The following MCCC1 variants were observed in gnomAD, a reference collection of about 807,000 sequenced individuals.
The protein encoded by MCCC1 is methylcrotonoyl-CoA carboxylase subunit alpha, mitochondrial.
MCCC1 carries 64 observed loss-of-function variants against 83.8 expected under a neutral mutation model. The ratio of observed to expected loss-of-function variants is 0.76; its 90% CI spans 0.62 to 0.94. The LOEUF is 0.94. Ranked by LOEUF, MCCC1 falls within the 40% of genes least tolerant of loss-of-function variation. The pLI, the probability that MCCC1 is intolerant of heterozygous loss-of-function variation, is 0.00. For synonymous variants in MCCC1, 322 were observed against 315.4 expected, an observed-to-expected ratio of 1.02 and a Z score of -0.22; for missense variants, 807 against 904.7, an observed-to-expected ratio of 0.89 and a Z score of 1.39.
rs563369774 is a variant in MCCC1, at chr3:183,053,066, T to C, written c.874-826A>G. ...CATAGATGTTATTGACCCTGAAAACTTTTATTGGGACAAGATGTGGAGAAA... is the reference window on the plus strand; with the variant it reads ...CATAGATGTTATTGACCCTGAAAACCTTTATTGGGACAAGATGTGGAGAAA... On this transcript the variant is annotated intron_variant, in intron 8 of 18. Coordinates refer to ENST00000265594, the MANE Select transcript of MCCC1 (RefSeq NM_020166.5). Among the ~76,000 whole-genome samples the C allele has an allele frequency of 2.0e-4, 30 of 152,280 alleles. No homozygotes were observed. In the East Asian group the frequency reaches 5.8e-3, roughly 29 times the overall value.
upstream of MCCC1, chr3:183,116,151 A>C (rs1719584029): frequency 1.3e-5 from 2 of 158,262 alleles, no homozygotes; most frequent in African/African-American, 2.4e-5. Context: ...GGGAGCGAGG[A>C]TGTGATCTAT....
upstream of MCCC1, among the ~76,000 whole-genome samples, chr3:183,104,281 T>C (rs1167936883): frequency 6.6e-6 from 1 of 152,162 alleles, no homozygotes; most frequent in Admixed American, 6.5e-5. Flanking sequence ...GCGAGGGCTG[T>C]GAGGACTGCC....
chr3:183,071,782 G>C (rs551427903), intron 5 of MCCC1, among the ~76,000 whole-genome samples: 2 of 150,762 alleles, frequency 1.3e-5, no homozygotes, highest in South Asian at 4.2e-4. Context: ...CTTCACTACA[G>C]CCTTAAACTT....
At chr3:183,068,286 C>A (rs1294795438) in intron 7 of MCCC1, among the ~76,000 whole-genome samples, 1 of 152,132 alleles carries the variant, frequency 6.6e-6, no homozygotes, top group African/African-American at 2.4e-5. Context: ...GTCATACGGA[C>A]CTTGCAGATA....
Position 183,087,883 on chromosome 3 carries a change from A to G in MCCC1, c.274-1095T>C, listed in dbSNP as rs550187021. ...AGACTCCTTCTCAAAAAAAAAAAAAAAAAAAAGGATGATCAAGACTTTGCC... is the reference window on the plus strand; with the variant it reads ...AGACTCCTTCTCAAAAAAAAAAAAAGAAAAAAGGATGATCAAGACTTTGCC... On this transcript the variant is annotated intron_variant, in intron 3 of 18. Transcript: ENST00000265594. Among the ~76,000 whole-genome samples, 142 of 151,704 alleles carry G rather than the reference A, an allele frequency of 9.4e-4. 1 individual carries two copies. The highest frequency in any genetic ancestry group is 3.2e-3 in the African/African-American group (133 of 41,384).
intron 14 of MCCC1, among the ~76,000 whole-genome samples, chr3:183,032,754 G>A (rs1454971433): frequency 6.6e-6 from 1 of 151,866 alleles, no homozygotes; most frequent in Non-Finnish European, 1.5e-5. Context: ...GGTGCCTGTA[G>A]TCTCAGATAC....
chr3:183,015,684 A>C lies in MCCC1; in HGVS notation c.2050-118T>G, dbSNP rs1711554717. 5 of 1,215,844 alleles carry C rather than the reference A, an allele frequency of 4.1e-6. No individual in the cohort carries two copies. In the Admixed American group the frequency reaches 8.4e-5, roughly 21 times the overall value. 75.3% of individuals were successfully genotyped at this position (1,215,844 alleles called of 1,614,324 possible). The stretch of plus-strand genomic sequence containing the variant: ...CTGTAGCCAACTTTGATGTTTTGTC[A>C]TCTCTCGGTGCTTTCCAACGCTTTG... On this transcript the variant is annotated intron_variant, in intron 18 of 18. Coordinates refer to ENST00000265594, the MANE Select transcript of MCCC1 (RefSeq NM_020166.5).
chr3:183,087,747 C>T (rs933323098), intron 3 of MCCC1, among the ~76,000 whole-genome samples: 12 of 147,678 alleles, frequency 8.1e-5, no homozygotes, highest in African/African-American at 2.8e-4. Flanking sequence ...GGTCGGCACC[C>T]GTAGTCCCAG....
At chr3:183,099,875 C>A (rs1719047297), upstream of MCCC1, among the ~76,000 whole-genome samples, 1 of 152,124 alleles carries the variant, frequency 6.6e-6, no homozygotes, top group Non-Finnish European at 1.5e-5. Context: ...CTAGTGCTCT[C>A]AGGGATGAAA....
intron 4 of MCCC1, among the ~76,000 whole-genome samples, chr3:183,081,215 C>T (rs1166375506): frequency 1.3e-5 from 2 of 152,182 alleles, no homozygotes; most frequent in African/African-American, 2.4e-5. Context: ...ACAACAGCAC[C>T]ACTACTATTA....
intron 1 of MCCC1, among the ~76,000 whole-genome samples, chr3:183,106,482 TTTTC>T (rs144890143): frequency 0.18 from 26,527 of 146,980 alleles, 2,494 homozygotes; most frequent in East Asian, 0.28. Flanking sequence ...TTCTTTGTTC[TTTTC>T]TTTCTTTCTT....
chr3:183,098,117 G>A (rs1560287353), intron 1 of MCCC1, among the ~76,000 whole-genome samples: 1 of 152,176 alleles, frequency 6.6e-6, no homozygotes, highest in Non-Finnish European at 1.5e-5. Context: ...TTTTAGTACA[G>A]ACGGGGTTTC....
At chr3:183,025,124 C>T (rs570427547) in intron 15 of MCCC1, among the ~76,000 whole-genome samples, 10 of 152,174 alleles carry the variant, frequency 6.6e-5, no homozygotes, top group African/African-American at 2.2e-4. Flanking sequence ...AGAGTAGAAT[C>T]GTGGTTCTCA....
At chr3:183,078,357 T>G (rs974652508) in intron 4 of MCCC1, among the ~76,000 whole-genome samples, 2 of 152,186 alleles carry the variant, frequency 1.3e-5, no homozygotes, top group Non-Finnish European at 2.9e-5. Context: ...TCCTACAAAA[T>G]AGTTACATAA....
At chr3:183,017,188 T>C (rs1378311523) in intron 18 of MCCC1, 78 bp downstream of exon 18, 14 of 1,327,514 alleles carry the variant, frequency 1.1e-5, no homozygotes, top group African/African-American at 5.8e-5. Flanking sequence ...GGTATTAACT[T>C]ACAAAATAAG....
chr3:183,100,233 A>G (rs1719078961), upstream of MCCC1, among the ~76,000 whole-genome samples: 1 of 152,242 alleles, frequency 6.6e-6, no homozygotes, highest in South Asian at 2.1e-4. Flanking sequence ...AACAAATTAT[A>G]GATTTGTAAG....
chr3:183,106,963 C>T (rs1330973414), intron 1 of MCCC1, among the ~76,000 whole-genome samples: 1 of 151,806 alleles, frequency 6.6e-6, no homozygotes, highest in Non-Finnish European at 1.5e-5. Flanking sequence ...TTTTTTTTAC[C>T]TCTAACTATG....
chr3:183,097,396 A>AT (rs561648414), intron 1 of MCCC1, among the ~76,000 whole-genome samples: 459 of 152,254 alleles, frequency 3.0e-3, no homozygotes, highest in Non-Finnish European at 5.4e-3. Flanking sequence ...TGCTGTTAAG[A>AT]TTTTTTTGTT....
At chr3:183,062,511 T>C (rs1364565355) in intron 7 of MCCC1, among the ~76,000 whole-genome samples, 1 of 151,802 alleles carries the variant, frequency 6.6e-6, no homozygotes, top group Non-Finnish European at 1.5e-5. Flanking sequence ...CACACCACCA[T>C]GCCTGGCTAA....
Sources: allele counts gnomAD v4.1 joint callset (sites outside exome capture counted in the v4.1 genomes callset), GRCh38; gene constraint gnomAD v4.1.1; transcripts MANE v1.5; gene names NCBI Gene and HGNC (gene_info 2026-07-23, HGNC 2026-07-21).